Variants in KIF3B observed in about 807,000 individuals in gnomAD.
The protein encoded by KIF3B is kinesin family member 3B.
KIF3B carries 38 observed loss-of-function variants against 74.3 expected under a neutral mutation model. That is an observed-to-expected ratio of 0.51 (90% CI 0.39 to 0.67). KIF3B has a LOEUF of 0.67. Among genes scored for constraint, KIF3B ranks in the 30% least tolerant of loss-of-function variants. The probability of loss-of-function intolerance (pLI) is 0.00; values close to 1 mark genes in which losing one functional copy is unlikely to be tolerated. For synonymous variants in KIF3B, 326 were observed against 342.5 expected (o/e 0.95, Z 0.53); for missense variants, 649 against 932.0 (o/e 0.70, Z 3.95).
At chr20:32,316,180 C>A (rs1353689277) in intron 2 of KIF3B, 38 bp from the exon 3 acceptor site, 1 of 1,186,626 alleles carries the variant, frequency 8.4e-7, no homozygotes, top group Non-Finnish European at 1.3e-6. Context: ...CTGAGAGAAA[C>A]CGTTCATGAG....
At chr20:32,323,112 T>TTATATTTATATATATTTATATATTTA (rs2047882774) in intron 5 of KIF3B, among the ~76,000 whole-genome samples, 7 of 63,724 alleles carry the variant, frequency 1.1e-4, no homozygotes, top group Non-Finnish European at 2.2e-4. Flanking sequence ...TTATATATAT[T>TTATATTTATATATATTTATATATTTA]TATATATTTA....
At position 32,311,056 on chromosome 20, in the gene KIF3B, G is replaced by A. The variant is rs754423468; in HGVS notation, c.1279G>A (p.Ala427Thr). Residue 427 changes from alanine (A) to threonine (T), a missense_variant, in exon 2 of 9, where the codon GCC becomes ACC. Around this residue, in one of 4 missense-constraint regions of KIF3B, gnomAD observed 363 missense variants for 592.8 expected, o/e 0.61. Transcript: ENST00000375712. ...AGAAAAACTGGAGATTGAGAAGCGG[G>A]CCATTGTAGAGGATCACAGCTTGGT... ...QQEKLEIEKR[A>T]IVEDHSLVAE... The A allele has an allele frequency of 6.2e-7, 1 of 1,613,690 alleles. No individual in the cohort carries two copies. The highest frequency in any genetic ancestry group is 8.5e-7 in the Non-Finnish European group (1 of 1,179,902).
intron 1 of KIF3B, among the ~76,000 whole-genome samples, chr20:32,306,288 A>G (rs1600426897): frequency 1.3e-5 from 2 of 149,914 alleles, no homozygotes; most frequent in Admixed American, 1.3e-4. Context: ...CCCAGCTACT[A>G]GGGAGGCTGA....
chr20:32,326,901 TTC>T lies in KIF3B; in HGVS notation c.1862+18_1862+19del, dbSNP rs770452566. 25 of 1,199,898 alleles carry T rather than the reference TTC, an allele frequency of 2.1e-5. No homozygotes were observed. The highest frequency in any genetic ancestry group is 4.6e-5 in the African/African-American group (3 of 64,940). 74.3% of individuals were successfully genotyped at this position (1,199,898 alleles called of 1,614,324 possible). On this transcript the variant is annotated intron_variant, in intron 6 of 8. Transcript: ENST00000375712. Reference sequence around the variant, plus strand: ...CAGACTGGAGTAAGTCACTATTAACTTCAAGTATATTTTCAAGTATGAGGGAG... The same window carrying T: ...CAGACTGGAGTAAGTCACTATTAACTAAGTATATTTTCAAGTATGAGGGAG...
chr20:32,291,535 A>T (rs1253933103), intron 1 of KIF3B, among the ~76,000 whole-genome samples: 2 of 152,106 alleles, frequency 1.3e-5, no homozygotes, highest in Non-Finnish European at 2.9e-5. Context: ...TCTTTTTAAA[A>T]TAATAACATT....
rs140601912 is a variant in KIF3B, at chr20:32,310,051, A to G, written c.274A>G (p.Ile92Val). The change falls in exon 2 of 9, where the codon ATT (isoleucine) becomes GTT (valine). Residue 92 changes from isoleucine (I) to valine (V), a missense_variant. By Grantham distance (29) the Ile-to-Val change is conservative. Transcript: ENST00000375712. The surrounding 1 kb of genome is among the most constrained non-coding windows in gnomAD (Gnocchi z 6.5). ...TGTCCTGCAAGGTTTCAATGGAACC[A>G]TTTTTGCCTATGGACAAACTGGGAC... ...DSVLQGFNGTIFAYGQTGTGK... is the reference protein window; with the variant it reads ...DSVLQGFNGTVFAYGQTGTGK... 8 of 1,614,058 alleles carry G rather than the reference A, an allele frequency of 5.0e-6. No homozygotes were observed. In the African/African-American group the frequency reaches 6.7e-5, roughly 13 times the overall value.
chr20:32,327,445 T>G, intron 6 of KIF3B, 111 bp from the exon 7 acceptor site: 1 of 764,540 alleles, frequency 1.3e-6, no homozygotes, highest in Non-Finnish European at 2.2e-6. Flanking sequence ...CCGTCCCACT[T>G]ACGTCAGCCT....
At chr20:32,297,456 T>A (rs1470189436) in intron 1 of KIF3B, among the ~76,000 whole-genome samples, 2 of 152,218 alleles carry the variant, frequency 1.3e-5, no homozygotes, top group African/African-American at 2.4e-5. Flanking sequence ...CTATTGATGT[T>A]TTTACGTGTG....
intron 1 of KIF3B, among the ~76,000 whole-genome samples, chr20:32,292,787 C>T (rs1050365795): frequency 2.0e-4 from 31 of 151,504 alleles, no homozygotes; most frequent in Admixed American, 1.7e-3. Context: ...AAGACCTTGA[C>T]TCTTAAAAAA....
Position 32,314,207 on chromosome 20 carries a change from TTC to T in KIF3B, c.1405-2009_1405-2008del, listed in dbSNP as rs767782569. On this transcript the variant is annotated intron_variant, in intron 2 of 8. Coordinates refer to ENST00000375712, the MANE Select transcript of KIF3B (RefSeq NM_004798.4). The stretch of plus-strand genomic sequence containing the variant: ...TTTTGACTATGGAGAATGACATTAT[TTC>T]TGTCTTTCTCAATCCCTGGATGCTG... 1.1e-4 allele frequency among the ~76,000 whole-genome samples: 17 copies of T among 152,194 alleles called. 1 individual carries two copies. The highest frequency in any genetic ancestry group is 9.8e-4 in the Admixed American group (15 of 15,270).
intron 5 of KIF3B, among the ~76,000 whole-genome samples, chr20:32,325,655 CTTTTTTTT>C (rs1164604181): frequency 2.2e-3 from 110 of 51,092 alleles, no homozygotes; most frequent in East Asian, 4.1e-3. Flanking sequence ...CTCTCTCTCT[CTTTTTTTT>C]TTTTTTTTTT....
chr20:32,300,124 A>T (rs1252449189), intron 1 of KIF3B, among the ~76,000 whole-genome samples: 1 of 149,956 alleles, frequency 6.7e-6, no homozygotes, highest in Non-Finnish European at 1.5e-5. Flanking sequence ...TTGTTTACAG[A>T]TAGTGTCTCC....
At chr20:32,303,433 C>T (rs1411079333) in intron 1 of KIF3B, among the ~76,000 whole-genome samples, 12 of 151,662 alleles carry the variant, frequency 7.9e-5, no homozygotes, top group Non-Finnish European at 1.2e-4. Context: ...GACCTGGTGG[C>T]GGGTGCTTGT....
At chr20:32,321,206 A>C (rs1319091257) in intron 5 of KIF3B, among the ~76,000 whole-genome samples, 1 of 152,036 alleles carries the variant, frequency 6.6e-6, no homozygotes. Flanking sequence ...AGGTGGGTGG[A>C]TCACCTGAGG....
chr20:32,305,167 A>G (rs2047763570), intron 1 of KIF3B, among the ~76,000 whole-genome samples: 1 of 151,660 alleles, frequency 6.6e-6, no homozygotes, highest in Non-Finnish European at 1.5e-5. Flanking sequence ...ACAAACAAAA[A>G]AAACCCAAAA....
intron 1 of KIF3B, among the ~76,000 whole-genome samples, chr20:32,307,450 G>A (rs922906503): frequency 1.3e-5 from 2 of 152,066 alleles, no homozygotes; most frequent in African/African-American, 4.8e-5. Context: ...ATGGGAACCC[G>A]GGTTGCTCAC....
At chr20:32,322,304 A>C (rs2047864076) in intron 5 of KIF3B, among the ~76,000 whole-genome samples, 1 of 151,654 alleles carries the variant, frequency 6.6e-6, no homozygotes, top group South Asian at 2.1e-4. Context: ...TTGGAATATT[A>C]ATTACTAGTA....
At chr20:32,320,759 G>A (rs572498015) in intron 5 of KIF3B, among the ~76,000 whole-genome samples, 1 of 152,122 alleles carries the variant, frequency 6.6e-6, no homozygotes, top group Admixed American at 6.5e-5. Flanking sequence ...AGTCTTCCAT[G>A]TTGTAGCATG....
intron 1 of KIF3B, among the ~76,000 whole-genome samples, chr20:32,297,557 A>G (rs1400878277): frequency 6.6e-6 from 1 of 152,222 alleles, no homozygotes; most frequent in East Asian, 1.9e-4. Flanking sequence ...ATGTCATTAC[A>G]GAGCCTCGGC....
Sources: allele counts gnomAD v4.1 joint callset (sites outside exome capture counted in the v4.1 genomes callset), GRCh38; gene constraint gnomAD v4.1.1; regional missense constraint gnomAD v4.1.1; non-coding constraint Gnocchi (gnomAD v3.1); transcripts MANE v1.5; gene names NCBI Gene and HGNC (gene_info 2026-07-23, HGNC 2026-07-21).